The following PDSS2 variants were observed in gnomAD, a reference collection of about 807,000 sequenced individuals.
PDSS2 encodes all trans-polyprenyl-diphosphate synthase PDSS2.
PDSS2 carries 31 observed loss-of-function variants against 44.5 expected under a neutral mutation model. That is an observed-to-expected ratio of 0.70 (90% confidence interval 0.52 to 0.94). PDSS2 has a LOEUF of 0.94. PDSS2 is among the 40% of genes least tolerant of loss of function. PDSS2 has a pLI of 0.00. For missense variants in PDSS2, 452 were observed against 482.2 expected, an observed-to-expected ratio of 0.94 and a Z score of 0.59; for synonymous variants, 157 against 180.3, an observed-to-expected ratio of 0.87 and a Z score of 1.03.
intron 3 of PDSS2, chr6:107,264,202 T>C: frequency 1.9e-6 from 2 of 1,080,144 alleles, no homozygotes; most frequent in East Asian, 6.8e-5. Flanking sequence ...ATAGCATCTT[T>C]ATTAAACTAT....
chr6:107,267,345 C>T (rs561891536), intron 3 of PDSS2, among the ~76,000 whole-genome samples: 1 of 152,142 alleles, frequency 6.6e-6, no homozygotes, highest in African/African-American at 2.4e-5. Flanking sequence ...TTTCTGAGGC[C>T]TCTTTCTTCT....
intron 4 of PDSS2, among the ~76,000 whole-genome samples, chr6:107,229,009 G>A (rs1354952545): frequency 1.3e-5 from 2 of 152,122 alleles, no homozygotes; most frequent in African/African-American, 4.8e-5. Context: ...GGGACAGGTT[G>A]TGAGTAAATT....
chr6:107,163,621 G>A (rs1261124014), intron 7 of PDSS2, among the ~76,000 whole-genome samples: 1 of 142,542 alleles, frequency 7.0e-6, no homozygotes, highest in African/African-American at 2.6e-5. Flanking sequence ...TTTCTTTTTT[G>A]AGACGGAGTC....
chr6:107,437,580 G>T (rs1268580628), intron 1 of PDSS2, among the ~76,000 whole-genome samples: 1 of 150,944 alleles, frequency 6.6e-6, no homozygotes, highest in East Asian at 2.0e-4. Context: ...TATACATGGG[G>T]GATTGGTTCT....
intron 2 of PDSS2, among the ~76,000 whole-genome samples, chr6:107,309,102 A>C (rs1165957627): frequency 6.6e-6 from 1 of 152,266 alleles, no homozygotes; most frequent in Non-Finnish European, 1.5e-5. Context: ...CACAGAGACA[A>C]AAGAAAGTTT....
intron 2 of PDSS2, among the ~76,000 whole-genome samples, chr6:107,316,071 A>C (rs1255405690): frequency 2.0e-5 from 3 of 152,206 alleles, no homozygotes; most frequent in African/African-American, 7.2e-5. Flanking sequence ...GTTATAGAAA[A>C]AATTCCTTTG....
At chr6:107,444,210 T>TTTTTA (rs1781598768) in intron 1 of PDSS2, among the ~76,000 whole-genome samples, 4 of 151,596 alleles carry the variant, frequency 2.6e-5, no homozygotes, top group African/African-American at 4.8e-5. Context: ...AATTTTTTTT[T>TTTTTA]TATATAGATG....
intron 7 of PDSS2, among the ~76,000 whole-genome samples, chr6:107,164,330 C>G (rs1015483140): frequency 5.3e-5 from 8 of 152,230 alleles, no homozygotes; most frequent in Middle Eastern, 3.4e-3. Context: ...CCCCACCCCA[C>G]GACAGGCCCT....
chr6:107,323,715 T>C (rs983177576), intron 2 of PDSS2, among the ~76,000 whole-genome samples: 1 of 152,230 alleles, frequency 6.6e-6, no homozygotes, highest in Non-Finnish European at 1.5e-5. Flanking sequence ...TTCTATCACA[T>C]GATGAATGCC....
rs1309897408 is a variant in PDSS2 at position 107,459,042 on chromosome 6, T to A, written c.244A>T (p.Met82Leu). 6.2e-7 allele frequency: 1 copy of A among 1,614,020 alleles called. No individual in the cohort carries two copies. The highest frequency in any genetic ancestry group is 8.5e-7 in the Non-Finnish European group (1 of 1,179,994). Residue 82 changes from methionine (M) to leucine (L), a missense_variant, in exon 1 of 8, where the codon ATG becomes TTG. Physicochemically the swap from Met to Leu is conservative, Grantham distance 15. Transcript: ENST00000369037. This position sits in a 1 kb window ranked among gnomAD's most constrained non-coding sequence, Gnocchi z 4.3. ...GTGCCCACCAGCTTCCGCACCTGCA[T>A]AGCGATGTTGCTGAGCTCGTCGCTC... ...LLSDELSNIA[M>L]QVRKLVGTQH... is the part of the protein sequence containing the mutation.
At chr6:107,450,774 A>G (rs1041076843) in intron 1 of PDSS2, among the ~76,000 whole-genome samples, 2 of 152,214 alleles carry the variant, frequency 1.3e-5, no homozygotes, top group Non-Finnish European at 2.9e-5. Context: ...CTCTGGAATA[A>G]ATGCTCAGGA....
chr6:107,190,402 T>G (rs1226396432), intron 7 of PDSS2, among the ~76,000 whole-genome samples: 1 of 152,212 alleles, frequency 6.6e-6, no homozygotes, highest in Non-Finnish European at 1.5e-5. Flanking sequence ...CTCTGTTCAC[T>G]CGCTTACTTG....
intron 7 of PDSS2, among the ~76,000 whole-genome samples, chr6:107,163,127 C>T (rs1416109559): frequency 1.3e-5 from 2 of 152,106 alleles, no homozygotes; most frequent in African/African-American, 4.8e-5. Context: ...TTCTACATTC[C>T]CCTGACTGTT....
intron 7 of PDSS2, among the ~76,000 whole-genome samples, chr6:107,184,052 A>G (rs952580192): frequency 3.9e-5 from 6 of 152,178 alleles, no homozygotes; most frequent in African/African-American, 9.7e-5. Context: ...TTGCGGGGCT[A>G]GAGAAAATGA....
Position 107,218,038 on chromosome 6 carries a change from G to A in PDSS2, c.703-5756C>T, listed in dbSNP as rs149141412. ...CAACTCCCCAGAACCTTACTAGTGC[G>A]GATGAACTCTCTCAAAGAGCAATAT... is the stretch of plus-strand genomic sequence containing the variant. On this transcript the variant is annotated intron_variant, in intron 4 of 7. Coordinates refer to ENST00000369037, the MANE Select transcript of PDSS2 (RefSeq NM_020381.4). 6.1e-3 allele frequency among the ~76,000 whole-genome samples: 931 copies of A among 152,240 alleles called. 13 individuals are homozygous for A. The highest frequency in any genetic ancestry group is 0.021 in the African/African-American group (875 of 41,536).
intron 3 of PDSS2, among the ~76,000 whole-genome samples, chr6:107,250,813 C>G (rs185125341): frequency 2.2e-3 from 337 of 152,250 alleles, no homozygotes; most frequent in African/African-American, 7.8e-3. Context: ...GCAGACCACT[C>G]TAATTTGAGC....
At chr6:107,212,378 C>G in intron 4 of PDSS2, 96 bp from the exon 5 acceptor site, 1 of 921,910 alleles carries the variant, frequency 1.1e-6, no homozygotes, top group Admixed American at 2.4e-5. Context: ...ACGAACTATT[C>G]AAAAACACTC....
chr6:107,278,259 A>G (rs1043605265), intron 2 of PDSS2, among the ~76,000 whole-genome samples: 3 of 152,188 alleles, frequency 2.0e-5, no homozygotes, highest in African/African-American at 7.2e-5. Context: ...ATAGTATCTA[A>G]GAGTAAATTC....
At chr6:107,384,861 AAC>A (rs1381713740) in intron 1 of PDSS2, among the ~76,000 whole-genome samples, 1 of 152,176 alleles carries the variant, frequency 6.6e-6, no homozygotes, top group Non-Finnish European at 1.5e-5. Context: ...CGCAAATAAA[AAC>A]ACAAAAACTG....
Sources: allele counts gnomAD v4.1 joint callset (sites outside exome capture counted in the v4.1 genomes callset), GRCh38; gene constraint gnomAD v4.1.1; non-coding constraint Gnocchi (gnomAD v3.1); transcripts MANE v1.5; gene names NCBI Gene and HGNC (gene_info 2026-07-23, HGNC 2026-07-21).